Variants in CCDC138 observed in about 807,000 individuals in gnomAD.
The protein encoded by CCDC138 is coiled-coil domain-containing protein 138.
A neutral mutation model predicts 82.3 loss-of-function variants in CCDC138; 66 were observed. The observed-to-expected ratio is 0.80, with a 90% CI of 0.66 to 0.98. CCDC138 has a LOEUF of 0.98. Among genes scored for constraint, CCDC138 ranks in the 50% least tolerant of loss-of-function variants. CCDC138 has a pLI of 0.00. For synonymous variants in CCDC138, 297 were observed against 265.4 expected (o/e 1.12, Z -1.16); for missense variants, 816 against 758.9 (o/e 1.08, Z -0.88).
At chr2:108,808,805 A>G (rs536175090) in intron 7 of CCDC138, among the ~76,000 whole-genome samples, 2 of 151,910 alleles carry the variant, frequency 1.3e-5, no homozygotes, top group Non-Finnish European at 2.9e-5. Context: ...AGGTTGTATC[A>G]TTATTCTTTT....
At chr2:108,813,265 A>G (rs923235030) in intron 9 of CCDC138, among the ~76,000 whole-genome samples, 2 of 150,954 alleles carry the variant, frequency 1.3e-5, no homozygotes, top group African/African-American at 2.4e-5. Context: ...AAAAAAAAAA[A>G]AAAAAAAGAA....
At chr2:108,815,628 G>C (rs1684653910) in intron 9 of CCDC138, among the ~76,000 whole-genome samples, 1 of 151,744 alleles carries the variant, frequency 6.6e-6, no homozygotes, top group Non-Finnish European at 1.5e-5. Context: ...ACCATGCCCA[G>C]CTAATTTTAT....
chr2:108,826,264 A>T (rs571029546), intron 10 of CCDC138, among the ~76,000 whole-genome samples: 1 of 152,216 alleles, frequency 6.6e-6, no homozygotes. Flanking sequence ...AAATTTTTAT[A>T]AAGTCCAATT....
chr2:108,845,869 C>T (rs745699562), intron 11 of CCDC138, among the ~76,000 whole-genome samples: 2 of 152,144 alleles, frequency 1.3e-5, no homozygotes, highest in Non-Finnish European at 1.5e-5. Flanking sequence ...CCGCGCCCAG[C>T]CTCATTTTAT....
At chr2:108,839,822 G>T (rs1689164305) in intron 11 of CCDC138, among the ~76,000 whole-genome samples, 1 of 150,962 alleles carries the variant, frequency 6.6e-6, no homozygotes, top group Non-Finnish European at 1.5e-5. Flanking sequence ...AAACAGTGTT[G>T]TGTTTTTTTT....
intron 12 of CCDC138, among the ~76,000 whole-genome samples, chr2:108,854,019 TAAATTTATATTATATATAATATATA>T (rs1208466464): frequency 0.012 from 1,434 of 116,506 alleles, 17 homozygotes; most frequent in Non-Finnish European, 0.019. Flanking sequence ...TAATATATAA[TAAATTTATATTATATATAATATATA>T]ATAAATTTAT....
chr2:108,850,339 T>C (rs188388441), intron 12 of CCDC138, among the ~76,000 whole-genome samples: 507 of 152,310 alleles, frequency 3.3e-3, no homozygotes, highest in Non-Finnish European at 5.7e-3. Context: ...ACACATAATA[T>C]TAACTGCTTA....
chr2:108,851,839 A>C (rs945100543), intron 12 of CCDC138, among the ~76,000 whole-genome samples: 8 of 152,204 alleles, frequency 5.3e-5, no homozygotes, highest in African/African-American at 1.9e-4. Context: ...ATATATATAT[A>C]TCATAACACC....
At chr2:108,809,627 G>A (rs1021966470) in intron 7 of CCDC138, among the ~76,000 whole-genome samples, 14 of 151,978 alleles carry the variant, frequency 9.2e-5, no homozygotes, top group African/African-American at 3.4e-4. Flanking sequence ...TTCTTTTTCA[G>A]TTAGTTTGTT....
intron 9 of CCDC138, among the ~76,000 whole-genome samples, chr2:108,814,379 T>C (rs1364069262): frequency 6.6e-6 from 1 of 152,172 alleles, no homozygotes; most frequent in Admixed American, 6.5e-5. Flanking sequence ...TCTAGTTCTT[T>C]ATAAATTGAG....
At chr2:108,803,116 G>T (rs1408618124) in intron 6 of CCDC138, among the ~76,000 whole-genome samples, 2 of 152,212 alleles carry the variant, frequency 1.3e-5, no homozygotes, top group African/African-American at 4.8e-5. Context: ...GCTGCTCTGG[G>T]TGTTTTTTGT....
chr2:108,840,220 GT>G (rs899444972), intron 11 of CCDC138, among the ~76,000 whole-genome samples: 2 of 151,894 alleles, frequency 1.3e-5, no homozygotes, highest in African/African-American at 4.8e-5. Flanking sequence ...CTTTTTATAT[GT>G]TTTTATATTA....
At chr2:108,844,552 T>A (rs1690120123) in intron 11 of CCDC138, among the ~76,000 whole-genome samples, 1 of 152,182 alleles carries the variant, frequency 6.6e-6, no homozygotes, top group South Asian at 2.1e-4. Context: ...CTGTTGATTG[T>A]CTTTTCTTCA....
At chr2:108,872,416 T>G (rs758140941) in intron 13 of CCDC138, among the ~76,000 whole-genome samples, 2 of 152,224 alleles carry the variant, frequency 1.3e-5, no homozygotes, top group Non-Finnish European at 2.9e-5. Flanking sequence ...AGTAATGAGT[T>G]TGGTTACCCT....
chr2:108,807,721 G>T (rs1385614455), intron 7 of CCDC138, among the ~76,000 whole-genome samples: 1 of 152,066 alleles, frequency 6.6e-6, no homozygotes, highest in African/African-American at 2.4e-5. Flanking sequence ...GGACTCAAGC[G>T]ATTCTCCTGC....
intron 1 of CCDC138, among the ~76,000 whole-genome samples, chr2:108,787,786 C>T (rs145275455): frequency 1.3e-4 from 20 of 151,582 alleles, no homozygotes; most frequent in African/African-American, 4.8e-4. Context: ...GATGCTTCTT[C>T]GTTAGATTGA....
downstream of CCDC138, among the ~76,000 whole-genome samples, chr2:108,880,184 G>T (rs902321501): frequency 6.4e-5 from 3 of 47,138 alleles, no homozygotes; most frequent in Non-Finnish European, 9.2e-5. Context: ...TTCCAGACAG[G>T]GTAACTTAAA....
chr2:108,815,069 A>G (rs1684527497), intron 9 of CCDC138, among the ~76,000 whole-genome samples: 1 of 152,256 alleles, frequency 6.6e-6, no homozygotes, highest in African/African-American at 2.4e-5. Flanking sequence ...TTAAATTTAT[A>G]AATTACTTTG....
chr2:108,860,823 G>A lies in CCDC138; in HGVS notation c.1693+3853G>A, dbSNP rs72935920. 5.4e-3 allele frequency among the ~76,000 whole-genome samples: 811 copies of A among 151,410 alleles called. 10 individuals are homozygous for A. The highest frequency in any genetic ancestry group is 0.016 in the African/African-American group (679 of 41,316). On this transcript the variant is annotated intron_variant, in intron 13 of 14. Transcript: ENST00000295124. ...AGTATGATACTGGGTTTTGGAATGA[G>A]TTAGGGAGGAGTCCCTCCTCCTCGA...
Sources: gnomAD v4.1 joint callset for allele counts (sites outside exome capture counted in the v4.1 genomes callset) on GRCh38, gnomAD v4.1.1 for gene constraint, MANE v1.5 for transcripts, NCBI Gene and HGNC (gene_info 2026-07-23, HGNC 2026-07-21) for gene names.